Variants in DELE1 observed in about 807,000 individuals in gnomAD.
DELE1 encodes the protein death ligand signal enhancer.
Under a neutral mutation model 59.3 loss-of-function variants are expected in DELE1, and 54 were observed. The observed-to-expected ratio is 0.91, with a 90% CI of 0.73 to 1.14. The LOEUF (loss-of-function observed/expected upper bound fraction) is 1.14. Among genes scored for constraint, DELE1 ranks in the 50% most tolerant of loss-of-function variants. The pLI is 0.00. For synonymous variants in DELE1, 264 were observed against 259.1 expected (o/e 1.02, Z -0.18); for missense variants, 636 against 643.9 (o/e 0.99, Z 0.13).
chr5:141,939,303 A>G lies in DELE1; in HGVS notation c.*544A>G, dbSNP rs1752600576. 1.4e-6 allele frequency: 1 copy of G among 726,010 alleles called. No individual in the cohort carries two copies. Among genetic ancestry groups the G allele is most frequent in the Non-Finnish European group, 1.7e-6 (1 of 593,532 alleles). The allele number at this position is 726,010 out of a possible 1,614,324, so 45.0% of individuals were successfully genotyped here. A position where few individuals can be genotyped will look rare whatever the true frequency, so the allele number is the denominator to read the frequency against. On this transcript the variant is annotated 3_prime_UTR_variant, in exon 12 of 12. Transcript: ENST00000432126. ...CTAGGATAAAGCTAACTGTAAAAAA[A>G]AATAGTGAATCAGTTTAAAGAAAAA...
intron 3 of DELE1, among the ~76,000 whole-genome samples, chr5:141,926,941 T>C (rs1751471438): frequency 6.6e-6 from 1 of 152,230 alleles, no homozygotes; most frequent in Non-Finnish European, 1.5e-5. Flanking sequence ...TTGTCTCTGT[T>C]CTTCACAATG....
At chr5:141,929,310 G>A (rs1751689897) in intron 4 of DELE1, among the ~76,000 whole-genome samples, 1 of 152,088 alleles carries the variant, frequency 6.6e-6, no homozygotes, top group African/African-American at 2.4e-5. Context: ...GTGCAGTGGT[G>A]TGATCTTGGC....
At chr5:141,932,993 G>A (rs1273522277) in intron 7 of DELE1, among the ~76,000 whole-genome samples, 1 of 151,426 alleles carries the variant, frequency 6.6e-6, no homozygotes, top group Admixed American at 6.6e-5. Flanking sequence ...TACTTGGGAG[G>A]CTGAGGCAGG....
rs1289352979 is a variant in DELE1, at chr5:141,934,655, A to C, written c.1149+69A>C. The C allele has an allele frequency of 7.7e-6, 11 of 1,427,578 alleles. No homozygotes were observed. In the Admixed American group the frequency reaches 1.2e-4, roughly 15 times the overall value. 88.4% of individuals were successfully genotyped at this position (1,427,578 alleles called of 1,614,324 possible). A position where few individuals can be genotyped will look rare whatever the true frequency, so the allele number is the denominator to read the frequency against. On this transcript the variant is annotated intron_variant, in intron 10 of 11. Transcript: ENST00000432126. ...TAAGAGAAGGGATTTTGGAACTGGT[A>C]CTGAGTTCTTCTGTGCTTAGGAGAT... is the stretch of plus-strand genomic sequence containing the variant.
Position 141,936,985 on chromosome 5 carries a change from G to A in DELE1, c.1150-213G>A. ...ACTGCCCTGGCTGGAATCTCCCTGG[G>A]TGGAGGGATCCCCCTCTCCTTTGTG... On this transcript the variant is annotated intron_variant, in intron 10 of 11. Transcript: ENST00000432126. 4 of 1,404,452 alleles carry A rather than the reference G, an allele frequency of 2.8e-6. No individual in the cohort carries two copies. The South Asian group carries it at 6.3e-5, about 22-fold the overall frequency. 87.0% of individuals were successfully genotyped at this position (1,404,452 alleles called of 1,614,324 possible).
intron 10 of DELE1, chr5:141,936,706 T>G (rs915181228): frequency 4.4e-5 from 9 of 203,824 alleles, no homozygotes; most frequent in Admixed American, 1.3e-4. Flanking sequence ...GTGCTGGGAT[T>G]ACAGGTGTGA....
chr5:141,930,137 G>A (rs1561513163), intron 6 of DELE1, 41 bp from the exon 7 acceptor site: 1 of 1,608,660 alleles, frequency 6.2e-7, no homozygotes, highest in Non-Finnish European at 8.5e-7. Flanking sequence ...GGCAATCCTG[G>A]TAAACCATCC....
chr5:141,941,748 T>C lies in DELE1; in HGVS notation c.*2989T>C. On this transcript the variant is annotated 3_prime_UTR_variant, in exon 12 of 12. Coordinates refer to ENST00000432126, the MANE Select transcript of DELE1 (RefSeq NM_014773.5). The stretch of plus-strand genomic sequence containing the variant: ...ATGGGAACAAGGCTATTTGGTTTAC[T>C]ATATCATTAGTGCTAATATAGTGTG... The C allele has an allele frequency of 1.0e-6, 1 of 985,390 alleles. No individual in the cohort carries two copies. 61.0% of individuals were successfully genotyped at this position (985,390 alleles called of 1,614,324 possible). A position where few individuals can be genotyped will look rare whatever the true frequency, so the allele number is the denominator to read the frequency against.
chr5:141,936,545 C>T (rs1017141309), intron 10 of DELE1, among the ~76,000 whole-genome samples: 2 of 152,202 alleles, frequency 1.3e-5, no homozygotes, highest in African/African-American at 4.8e-5. Flanking sequence ...CATGATTCTC[C>T]TGCCTCAGCC....
chr5:141,936,005 G>A (rs1380263559), intron 10 of DELE1, among the ~76,000 whole-genome samples: 1 of 152,214 alleles, frequency 6.6e-6, no homozygotes, highest in Non-Finnish European at 1.5e-5. Flanking sequence ...TATAGAAGCA[G>A]GGGGAGAATG....
chr5:141,929,574 C>G lies in DELE1; in HGVS notation c.413-8C>G. The stretch of plus-strand genomic sequence containing the variant: ...CCAGACCTGACTACTCTTGCTGGCT[C>G]TTTCCAGCACTGCGACAACACATCC... On this transcript the variant is annotated splice_region_variant and splice_polypyrimidine_tract_variant and intron_variant, in intron 4 of 11. Transcript: ENST00000432126. 6 of 1,612,644 alleles carry G rather than the reference C, an allele frequency of 3.7e-6. No individual in the cohort carries two copies. The highest frequency in any genetic ancestry group is 5.1e-6 in the Non-Finnish European group (6 of 1,179,578).
At chr5:141,927,786 T>C (rs1751536727) in intron 3 of DELE1, among the ~76,000 whole-genome samples, 1 of 152,224 alleles carries the variant, frequency 6.6e-6, no homozygotes, top group Admixed American at 6.5e-5. Flanking sequence ...GCCTGCTTAG[T>C]CTTCGCTTAT....
Position 141,941,565 on chromosome 5 carries a change from A to C in DELE1, c.*2806A>C. ...TCATCAGTGCCCCAGAGGAAGTGTGAGAGGACGAGAGGGAGGTGGCTCCCA... is the reference window on the plus strand; with the variant it reads ...TCATCAGTGCCCCAGAGGAAGTGTGCGAGGACGAGAGGGAGGTGGCTCCCA... On this transcript the variant is annotated 3_prime_UTR_variant, in exon 12 of 12. Transcript: ENST00000432126. The C allele has an allele frequency of 1.0e-6, 1 of 985,406 alleles. No homozygotes were observed. The highest frequency in any genetic ancestry group is 4.7e-5 in the South Asian group (1 of 21,292). 61.0% of individuals were successfully genotyped at this position (985,406 alleles called of 1,614,324 possible).
chr5:141,937,006 T>G, intron 10 of DELE1, 192 bp from the exon 11 acceptor site: 1 of 1,446,234 alleles, frequency 6.9e-7, no homozygotes, highest in Non-Finnish European at 9.1e-7. Context: ...CCCCTCTCCT[T>G]TGTGTTGGGT....
chr5:141,933,300 TCTTA>T lies in DELE1; in HGVS notation c.800_803del (p.Tyr267SerfsTer75), dbSNP rs1752087207. The stretch of plus-strand genomic sequence containing the variant: ...GAGTGGCGACCACACGGCAGCCTTT[TCTTA>T]CTTCCAGAAAGCTGCAGCCCGCGGC... On this transcript the variant is annotated frameshift_variant, in exon 8 of 12. Transcript: ENST00000432126. LOFTEE classifies it high-confidence loss of function. 1.3e-6 allele frequency: 2 copies of T among 1,570,278 alleles called. No individual in the cohort carries two copies. The highest frequency in any genetic ancestry group is 2.3e-5 in the South Asian group (2 of 86,976).
At chr5:141,928,028 A>G (rs1335150122) in intron 3 of DELE1, 123 bp from the exon 4 acceptor site, 3 of 1,061,496 alleles carry the variant, frequency 2.8e-6, no homozygotes, top group Non-Finnish European at 4.1e-6. Flanking sequence ...GGGTGTTGTG[A>G]AAGTTTGTAG....
At position 141,936,947 on chromosome 5, in the gene DELE1, G is replaced by C. The variant is rs544655353; in HGVS notation, c.1150-251G>C. On this transcript the variant is annotated intron_variant, in intron 10 of 11. Transcript: ENST00000432126. ...GCATGCTTTCAGCCAGCCTATGCAA[G>C]AGAAGCCTCCACACTGCCCTGGCTG... 4.3e-4 allele frequency: 561 copies of C among 1,291,316 alleles called. 3 individuals are homozygous for C. Among genetic ancestry groups the C allele is most frequent in the South Asian group, 4.0e-3 (194 of 48,844 alleles). The allele number at this position is 1,291,316 out of a possible 1,614,324, so 80.0% of individuals were successfully genotyped here. A position where few individuals can be genotyped will look rare whatever the true frequency, so the allele number is the denominator to read the frequency against.
At position 141,941,871 on chromosome 5, in the gene DELE1, C is replaced by T. The variant is rs1003698178; in HGVS notation, c.*3112C>T. On this transcript the variant is annotated 3_prime_UTR_variant, in exon 12 of 12. Coordinates refer to ENST00000432126, the MANE Select transcript of DELE1 (RefSeq NM_014773.5). ...TGCCCAGCACCAAGCCTACCCAGCA[C>T]ATAGTAGGTACTTTAAGTAATTTGA... 3 of 985,184 alleles carry T rather than the reference C, an allele frequency of 3.0e-6. No homozygotes were observed. The African/African-American group carries it at 5.2e-5, about 17-fold the overall frequency. 61.0% of individuals were successfully genotyped at this position (985,184 alleles called of 1,614,324 possible).
At chr5:141,934,786 T>C (rs1752230712) in intron 10 of DELE1, 200 bp downstream of exon 10, 2 of 583,796 alleles carry the variant, frequency 3.4e-6, no homozygotes, top group South Asian at 4.3e-5. Context: ...TGCACCAGGC[T>C]GTGAGAGCTG....
Sources: gnomAD v4.1 joint callset for allele counts (sites outside exome capture counted in the v4.1 genomes callset) on GRCh38, gnomAD v4.1.1 for gene constraint, MANE v1.5 for transcripts, NCBI Gene and HGNC (gene_info 2026-07-23, HGNC 2026-07-21) for gene names.